Variants in CORO2B observed in about 807,000 individuals in gnomAD.
CORO2B encodes the protein coronin 2B.
Under a neutral mutation model 58.8 loss-of-function variants are expected in CORO2B, and 26 were observed. That is an observed-to-expected ratio of 0.44 (90% CI 0.32 to 0.61). CORO2B has a LOEUF of 0.61. CORO2B is among the 20% of genes least tolerant of loss of function. The pLI, the probability that CORO2B is intolerant of heterozygous loss-of-function variation, is 0.04. For missense variants in CORO2B, 460 were observed against 645.1 expected, an observed-to-expected ratio of 0.71 and a Z score of 3.11; for synonymous variants, 242 against 253.8, an observed-to-expected ratio of 0.95 and a Z score of 0.44.
chr15:68,641,608 G>A (rs72748517), intron 1 of CORO2B: 32,926 of 985,236 alleles, frequency 0.033, 577 homozygotes, highest in Middle Eastern at 0.048. Context: ...GGACTTTGCC[G>A]GGTGGGCTCA....
intron 2 of CORO2B, among the ~76,000 whole-genome samples, chr15:68,654,771 GT>G (rs1159941814): frequency 1.3e-5 from 2 of 152,210 alleles, no homozygotes; most frequent in Non-Finnish European, 2.9e-5. Flanking sequence ...GCCAAGGACT[GT>G]TACCCATCTC....
At chr15:68,591,322 G>A (rs919274183) in intron 1 of CORO2B, among the ~76,000 whole-genome samples, 21 of 152,230 alleles carry the variant, frequency 1.4e-4, no homozygotes, top group Non-Finnish European at 2.4e-4. Flanking sequence ...AGCGGGCAGC[G>A]TGAACAAAGG....
chr15:68,579,182 C>A lies in CORO2B; in HGVS notation c.-81C>A. ...GGGAGCGAGCCGGGAGCTGCCGGAC[C>A]CCCTTCCGCCGCCGCCCCGGGCCGC... On this transcript the variant is annotated 5_prime_UTR_variant, in exon 1 of 12. Transcript: ENST00000261861. 4 of 985,156 alleles carry A rather than the reference C, an allele frequency of 4.1e-6. No homozygotes were observed. Among genetic ancestry groups the A allele is most frequent in the Non-Finnish European group, 4.8e-6 (4 of 831,738 alleles). 61.0% of individuals were successfully genotyped at this position (985,156 alleles called of 1,614,324 possible). A position where few individuals can be genotyped will look rare whatever the true frequency, so the allele number is the denominator to read the frequency against.
intron 1 of CORO2B, among the ~76,000 whole-genome samples, chr15:68,629,494 G>C (rs1189730789): frequency 6.6e-6 from 1 of 152,230 alleles, no homozygotes; most frequent in African/African-American, 2.4e-5. Flanking sequence ...CAGATTTACA[G>C]AGGCCAGACT....
rs559103811 is a variant in CORO2B at position 68,710,505 on chromosome 15, A to T, written c.334-227A>T. 9.9e-5 allele frequency among the ~76,000 whole-genome samples: 15 copies of T among 152,268 alleles called. No individual in the cohort carries two copies. The highest frequency in any genetic ancestry group is 1.0e-4 in the Non-Finnish European group (7 of 68,016). On this transcript the variant is annotated intron_variant, in intron 3 of 11. Coordinates refer to ENST00000261861, the MANE Select transcript of CORO2B (RefSeq NM_006091.5). This position sits in a 1 kb window ranked among gnomAD's most constrained non-coding sequence, Gnocchi z 4.1. ...AATAACAGTTCTTAGGTCTGCAGAG[A>T]CTTCCCAGAGAAAACCTCCCACAGG...
the CORO2B span, among the ~76,000 whole-genome samples, chr15:68,540,979 C>T: frequency 1.3e-5 from 2 of 152,170 alleles, no homozygotes; most frequent in African/African-American, 4.8e-5. Context: ...CCTGTAATCC[C>T]AACACTTTGG....
intron 3 of CORO2B, among the ~76,000 whole-genome samples, chr15:68,698,991 G>A (rs567301358): frequency 4.8e-4 from 73 of 152,328 alleles, no homozygotes; most frequent in African/African-American, 1.6e-3. Flanking sequence ...GCAGAGAGGA[G>A]AAGAGGTAGT....
At chr15:68,725,444 G>T (rs1365111607) in intron 11 of CORO2B, among the ~76,000 whole-genome samples, 2 of 151,504 alleles carry the variant, frequency 1.3e-5, no homozygotes, top group African/African-American at 2.4e-5. Context: ...CATCTATTAT[G>T]TATTATTATA....
chr15:68,695,347 C>A, intron 3 of CORO2B, 91 bp downstream of exon 3: 2 of 904,974 alleles, frequency 2.2e-6, no homozygotes, highest in East Asian at 2.4e-5. Flanking sequence ...CCTCCTCCAC[C>A]CTTTGCCCTT....
At position 68,725,990 on chromosome 15, in the gene CORO2B, G is replaced by A. The variant is rs1893289280; in HGVS notation, c.*16G>A. ...GAACTGTTAGCTCCCCAGCTGGGCT[G>A]TTTTCTAAGCCGATCTCTCCGTCGT... On this transcript the variant is annotated 3_prime_UTR_variant, in exon 12 of 12. Coordinates refer to ENST00000261861, the MANE Select transcript of CORO2B (RefSeq NM_006091.5). 14 of 1,612,162 alleles carry A rather than the reference G, an allele frequency of 8.7e-6. No individual in the cohort carries two copies. The highest frequency in any genetic ancestry group is 9.3e-6 in the Non-Finnish European group (11 of 1,179,904).
At chr15:68,566,937 G>A in the CORO2B span, among the ~76,000 whole-genome samples, 1 of 152,300 alleles carries the variant, frequency 6.6e-6, no homozygotes, top group Admixed American at 6.5e-5. Flanking sequence ...TGCCAGCGAA[G>A]AGGCAGCGTG....
chr15:68,536,929 T>C, the CORO2B span, among the ~76,000 whole-genome samples: 7 of 152,214 alleles, frequency 4.6e-5, no homozygotes, highest in Admixed American at 1.3e-4. Flanking sequence ...CAGGAAGTGA[T>C]GCTGGCAGGG....
At position 68,615,492 on chromosome 15, in the gene CORO2B, A is replaced by G. The variant is rs371342226; in HGVS notation, c.16-29668A>G. Among the ~76,000 whole-genome samples, 19 of 152,328 alleles carry G rather than the reference A, an allele frequency of 1.2e-4. No homozygotes were observed. In the East Asian group the frequency reaches 3.5e-3, roughly 28 times the overall value. On this transcript the variant is annotated intron_variant, in intron 1 of 11. Coordinates refer to ENST00000261861, the MANE Select transcript of CORO2B (RefSeq NM_006091.5). ...ATTGGCTGTGGCTTAGGCTTAGATG[A>G]GAAGCAGAAGTGCTATGGTTGAAAA...
intron 1 of CORO2B, chr15:68,641,443 G>C: frequency 7.6e-6 from 6 of 784,946 alleles, no homozygotes; most frequent in Non-Finnish European, 9.3e-6. Context: ...ATTTGGGGGA[G>C]AGAGGAAAGA....
intron 2 of CORO2B, among the ~76,000 whole-genome samples, chr15:68,690,901 TGCCTTG>T (rs1304377897): frequency 6.9e-6 from 1 of 145,062 alleles, no homozygotes; most frequent in Non-Finnish European, 1.5e-5. Flanking sequence ...ACGATCCACC[TGCCTTG>T]GCCTCCCAAA....
intron 7 of CORO2B, 92 bp downstream of exon 7, chr15:68,714,755 C>T (rs1399224918): frequency 1.4e-5 from 13 of 944,354 alleles, no homozygotes; most frequent in Non-Finnish European, 2.2e-5. Context: ...TGGAGAGTAG[C>T]CAGCCTAACC....
intron 2 of CORO2B, among the ~76,000 whole-genome samples, chr15:68,690,091 T>C (rs1273557426): frequency 6.6e-6 from 1 of 152,250 alleles, no homozygotes; most frequent in African/African-American, 2.4e-5. Context: ...CTTGAGGTTA[T>C]CTGTGACTAT....
chr15:68,605,130 AAAG>A (rs933869049), intron 1 of CORO2B, among the ~76,000 whole-genome samples: 2 of 152,298 alleles, frequency 1.3e-5, no homozygotes, highest in Admixed American at 6.5e-5. Flanking sequence ...AAAAAAAAAA[AAAG>A]AAGTTTTGAA....
the CORO2B span, among the ~76,000 whole-genome samples, chr15:68,533,283 T>G: frequency 6.6e-6 from 1 of 152,174 alleles, no homozygotes; most frequent in African/African-American, 2.4e-5. Flanking sequence ...TTTACTATGA[T>G]GGAAAGGTAA....
Sources: gnomAD v4.1 joint callset for allele counts (sites outside exome capture counted in the v4.1 genomes callset) on GRCh38, gnomAD v4.1.1 for gene constraint, Gnocchi (gnomAD v3.1) non-coding constraint, MANE v1.5 for transcripts, NCBI Gene and HGNC (gene_info 2026-07-23, HGNC 2026-07-21) for gene names.